Variants in UTP20 observed in about 807,000 individuals in gnomAD.
UTP20 encodes small subunit processome component 20 homolog.
A neutral mutation model predicts 329.5 loss-of-function variants in UTP20; 164 were observed. The ratio of observed to expected loss-of-function variants is 0.50; its 90% confidence interval spans 0.44 to 0.57. The LOEUF (loss-of-function observed/expected upper bound fraction) is 0.57. UTP20 is among the 20% of genes least tolerant of loss of function. UTP20 has a pLI of 0.00. For missense variants in UTP20, 3,055 were observed against 3,284.2 expected, an observed-to-expected ratio of 0.93 and a Z score of 1.71; for synonymous variants, 1,151 against 1,159.3, an observed-to-expected ratio of 0.99 and a Z score of 0.14.
In UTP20 at chr12:101,338,048, C is replaced by T. The variant is rs775743167; in HGVS notation, c.3642-3C>T. 6.2e-7 allele frequency: 1 copy of T among 1,612,722 alleles called. No individual in the cohort carries two copies. Among genetic ancestry groups the T allele is most frequent in the Non-Finnish European group, 8.5e-7 (1 of 1,179,358 alleles). On this transcript the variant is annotated splice_region_variant and splice_polypyrimidine_tract_variant and intron_variant, in intron 29 of 61. Transcript: ENST00000261637. ...ATGATTACTACAATGTTTTTTCTTC[C>T]AGATATTTCCCTTTGCTGGCTAAAC...
At chr12:101,315,665 A>G (rs1276252822) in intron 21 of UTP20, among the ~76,000 whole-genome samples, 7 of 152,244 alleles carry the variant, frequency 4.6e-5, no homozygotes, top group Non-Finnish European at 8.8e-5. Context: ...CTTTGGGCAT[A>G]AATTTATAGA....
intron 14 of UTP20, among the ~76,000 whole-genome samples, chr12:101,300,544 G>T (rs1309490799): frequency 2.0e-5 from 3 of 151,994 alleles, no homozygotes; most frequent in Non-Finnish European, 4.4e-5. Flanking sequence ...CTCAGCTCAG[G>T]CACAACACCT....
At position 101,299,758 on chromosome 12, in the gene UTP20, A is replaced by G; in HGVS notation, c.1507A>G (p.Ile503Val). 6.2e-7 allele frequency: 1 copy of G among 1,613,454 alleles called. No homozygotes were observed. The highest frequency in any genetic ancestry group is 8.5e-7 in the Non-Finnish European group (1 of 1,179,772). ...TCCAGTATTGGACCATCTTTTATCT[A>G]TAATTAAGTTACCCCCAAATAAAGA... is the stretch of plus-strand genomic sequence containing the variant. Reference protein sequence around the residue: ...QFPVLDHLLSIIKLPPNKDTT... With the variant: ...QFPVLDHLLSVIKLPPNKDTT... Residue 503 changes from isoleucine (I) to valine (V), a missense_variant, in exon 13 of 62, where the codon ATA becomes GTA. Around this residue, in one of 3 missense-constraint regions of UTP20, gnomAD observed 2,445 missense variants for 2,575.5 expected, o/e 0.95. Transcript: ENST00000261637.
At chr12:101,374,243 A>T (rs531013251) in intron 54 of UTP20, among the ~76,000 whole-genome samples, 263 of 152,202 alleles carry the variant, frequency 1.7e-3, no homozygotes, top group African/African-American at 5.5e-3. Context: ...TCAAAAAAAA[A>T]AAAAATAAAT....
chr12:101,319,700 A>G, intron 23 of UTP20, 65 bp downstream of exon 23: 2 of 1,351,634 alleles, frequency 1.5e-6, no homozygotes, highest in Non-Finnish European at 1.0e-6. Context: ...TTTCTTTGTC[A>G]GAGTAGCTTA....
chr12:101,385,765 G>A, intron 61 of UTP20, 37 bp downstream of exon 61: 1 of 1,594,628 alleles, frequency 6.3e-7, no homozygotes, highest in Non-Finnish European at 8.5e-7. Context: ...ATGTTCACTG[G>A]ACTTGATAAC....
At chr12:101,360,500 G>A (rs1304641999) in intron 43 of UTP20, among the ~76,000 whole-genome samples, 1 of 152,022 alleles carries the variant, frequency 6.6e-6, no homozygotes, top group Non-Finnish European at 1.5e-5. Context: ...ATTGTAAGTC[G>A]GGAACCGTCT....
At chr12:101,309,020 A>G (rs994921702) in intron 18 of UTP20, among the ~76,000 whole-genome samples, 1 of 152,056 alleles carries the variant, frequency 6.6e-6, no homozygotes, top group Non-Finnish European at 1.5e-5. Flanking sequence ...GGCGTGAGCC[A>G]CTGCGCCCGG....
At chr12:101,314,272 C>T (rs780748791) in intron 21 of UTP20, among the ~76,000 whole-genome samples, 2 of 152,162 alleles carry the variant, frequency 1.3e-5, no homozygotes, top group Non-Finnish European at 2.9e-5. Flanking sequence ...ATAAAGTGAC[C>T]GTTGGCTTTG....
intron 52 of UTP20, 136 bp downstream of exon 52, chr12:101,373,099 C>A: frequency 1.3e-6 from 1 of 756,312 alleles, no homozygotes; most frequent in Non-Finnish European, 2.2e-6. Flanking sequence ...GACTCATTGA[C>A]TTGATAATCA....
intron 26 of UTP20, among the ~76,000 whole-genome samples, chr12:101,328,227 A>C (rs7313828): frequency 0.32 from 48,588 of 152,134 alleles, 8,466 homozygotes; most frequent in Middle Eastern, 0.44. Flanking sequence ...TGCCAAAAAA[A>C]GTTTCTGTTC....
intron 14 of UTP20, among the ~76,000 whole-genome samples, chr12:101,301,695 AT>A (rs558438332): frequency 6.2e-4 from 94 of 152,176 alleles, no homozygotes; most frequent in African/African-American, 2.1e-3. Flanking sequence ...AAATAATATC[AT>A]TAATTGAATG....
Position 101,281,124 on chromosome 12 carries a change from A to G in UTP20, c.54A>G (p.Thr18=), listed in dbSNP as rs78240090. The G allele has an allele frequency of 3.9e-4, 635 of 1,612,034 alleles. 1 individual carries two copies. In the African/African-American group the frequency reaches 7.1e-3, roughly 18 times the overall value. ...HKTENTYRFL[T]FAERLGNVNI... is the part of the protein sequence containing the mutation. ...TATACTTTCCCTTCCAGTTTCTTAC[A>G]TTTGCTGAACGACTGGGGAATGTTA... is the stretch of plus-strand genomic sequence containing the variant. The change falls in exon 2 of 62, where the codon ACA becomes ACG. Residue 18 remains threonine (T), a synonymous_variant. Coordinates refer to ENST00000261637, the MANE Select transcript of UTP20 (RefSeq NM_014503.3).
chr12:101,369,573 AT>A, intron 48 of UTP20, 147 bp from the exon 49 acceptor site: 1 of 536,026 alleles, frequency 1.9e-6, no homozygotes, highest in Non-Finnish European at 3.4e-6. Flanking sequence ...ATCTTCTTAC[AT>A]TTTGGGCACA....
chr12:101,365,617 G>C lies in UTP20; in HGVS notation c.6117G>C (p.Glu2039Asp). 6.4e-7 allele frequency: 1 copy of C among 1,561,776 alleles called. No individual in the cohort carries two copies. Among genetic ancestry groups the C allele is most frequent in the East Asian group, 2.3e-5 (1 of 42,582 alleles). The change falls in exon 46 of 62, where the codon GAG becomes GAC. Residue 2039 changes from glutamate (E) to aspartate (D), a missense_variant. Glu to Asp is a conservative substitution (Grantham distance 45). Around this residue, in one of 3 missense-constraint regions of UTP20, gnomAD observed 2,445 missense variants for 2,575.5 expected, o/e 0.95. Coordinates refer to ENST00000261637, the MANE Select transcript of UTP20 (RefSeq NM_014503.3). ...GTGAAAATCTTCCCCTGTTAACAGAGAAAGAAAAGTAAGTTGGAAAAAAAA... is the reference window on the plus strand; with the variant it reads ...GTGAAAATCTTCCCCTGTTAACAGACAAAGAAAAGTAAGTTGGAAAAAAAA... ...LISENLPLLT[E>D]KEKNPVAPAP...
chr12:101,382,604 T>G (rs191534516), intron 58 of UTP20, among the ~76,000 whole-genome samples: 221 of 151,442 alleles, frequency 1.5e-3, no homozygotes, highest in African/African-American at 4.8e-3. Context: ...TGTAATCGCA[T>G]CACTTTGGGA....
chr12:101,312,876 C>T (rs922521654), intron 21 of UTP20, among the ~76,000 whole-genome samples: 5 of 152,176 alleles, frequency 3.3e-5, no homozygotes, highest in African/African-American at 4.8e-5. Flanking sequence ...AACCAGCACA[C>T]CAGTGGTATT....
In UTP20 at chr12:101,346,810, C is replaced by T. The variant is rs186922289; in HGVS notation, c.4884+222C>T. Among the ~76,000 whole-genome samples, 23 of 152,236 alleles carry T rather than the reference C, an allele frequency of 1.5e-4. No individual in the cohort carries two copies. The East Asian group carries it at 3.9e-3, about 26-fold the overall frequency. On this transcript the variant is annotated intron_variant, in intron 38 of 61. Coordinates refer to ENST00000261637, the MANE Select transcript of UTP20 (RefSeq NM_014503.3). ...CTATTATTAGCTCACAAAGGCCGAG[C>T]GCAAAATATTCTTCCTCCTAGAAAT... is the stretch of plus-strand genomic sequence containing the variant.
rs1323960085 is a variant in UTP20 at position 101,386,207 on chromosome 12, G to A, written c.*84G>A. 6.6e-6 allele frequency: 9 copies of A among 1,371,880 alleles called. No individual in the cohort carries two copies. The Middle Eastern group carries it at 6.2e-4, about 94-fold the overall frequency. The allele number at this position is 1,371,880 out of a possible 1,614,324, so 85.0% of individuals were successfully genotyped here. A position where few individuals can be genotyped will look rare whatever the true frequency, so the allele number is the denominator to read the frequency against. On this transcript the variant is annotated 3_prime_UTR_variant, in exon 62 of 62. Transcript: ENST00000261637. Reference sequence around the variant, plus strand: ...ACAGTAGGTTGTCTGGGGTAGGGGGGAGGCGTTTTTTTTTTTTTTTGAGAC... The same window carrying A: ...ACAGTAGGTTGTCTGGGGTAGGGGGAAGGCGTTTTTTTTTTTTTTTGAGAC...
Sources: allele counts gnomAD v4.1 joint callset (sites outside exome capture counted in the v4.1 genomes callset), GRCh38; gene constraint gnomAD v4.1.1; regional missense constraint gnomAD v4.1.1; transcripts MANE v1.5; gene names NCBI Gene and HGNC (gene_info 2026-07-23, HGNC 2026-07-21).